TENM4: variants seen among roughly 807,000 people sequenced by gnomAD.
The protein encoded by TENM4 is teneurin transmembrane protein 4.
TENM4 carries 82 observed loss-of-function variants against 243.3 expected under a neutral mutation model. That is an observed-to-expected ratio of 0.34 (90% CI 0.28 to 0.40). The LOEUF is 0.40. TENM4 is among the 10% of genes least tolerant of loss of function. TENM4 has a pLI of 1.00. For synonymous variants in TENM4, 1,412 were observed against 1,456.3 expected (o/e 0.97, Z 0.69); for missense variants, 3,138 against 3,673.3 (o/e 0.85, Z 3.77).
chr11:79,130,361 C>T (rs531287485), intron 4 of TENM4, among the ~76,000 whole-genome samples: 33 of 152,028 alleles, frequency 2.2e-4, no homozygotes, highest in African/African-American at 7.5e-4. Flanking sequence ...CACGAGTTCA[C>T]TAGCAATGGA....
intron 6 of TENM4, among the ~76,000 whole-genome samples, chr11:78,973,104 T>A (rs1238665603): frequency 6.6e-6 from 1 of 152,278 alleles, no homozygotes; most frequent in Non-Finnish European, 1.5e-5. Context: ...AAACTTTGGT[T>A]GTTTTCACTT....
intron 1 of TENM4, among the ~76,000 whole-genome samples, chr11:79,346,704 A>T (rs954719352): frequency 6.6e-6 from 1 of 152,182 alleles, no homozygotes; most frequent in Non-Finnish European, 1.5e-5. Context: ...AATCCGCTTC[A>T]CTTTCCTTCT....
chr11:78,690,302 T>G (rs1433042724), intron 28 of TENM4, among the ~76,000 whole-genome samples: 1 of 152,200 alleles, frequency 6.6e-6, no homozygotes, highest in Non-Finnish European at 1.5e-5. Flanking sequence ...CTCAGAGCTC[T>G]GCTCCCTTCA....
chr11:78,750,541 C>T (rs556889293), intron 19 of TENM4, among the ~76,000 whole-genome samples: 1 of 152,340 alleles, frequency 6.6e-6, no homozygotes, highest in East Asian at 1.9e-4. Flanking sequence ...GCTGGAGAAG[C>T]AAAGCTGTAG....
At chr11:78,928,824 A>C (rs1366467916) in intron 6 of TENM4, among the ~76,000 whole-genome samples, 2 of 152,228 alleles carry the variant, frequency 1.3e-5, no homozygotes, top group Non-Finnish European at 2.9e-5. Context: ...ATCACTTACT[A>C]GTTGGAAAGT....
chr11:79,297,425 G>A (rs188031747), intron 2 of TENM4, 63 bp downstream of exon 2: 2 of 152,750 alleles, frequency 1.3e-5, no homozygotes, highest in East Asian at 3.9e-4. Flanking sequence ...GCCTGGCAGG[G>A]GTTAGGTTGT....
intron 19 of TENM4, chr11:78,756,494 C>A: frequency 2.9e-6 from 1 of 344,358 alleles, no homozygotes; most frequent in Non-Finnish European, 5.5e-6. Context: ...ACCACAGGAT[C>A]AGTAAGAGCT....
intron 2 of TENM4, among the ~76,000 whole-genome samples, chr11:79,225,377 G>C (rs1347158090): frequency 2.6e-5 from 4 of 152,068 alleles, no homozygotes; most frequent in Admixed American, 2.0e-4. Flanking sequence ...CTGGCTGGAG[G>C]GTTCATCTGC....
chr11:79,421,988 C>T (rs904703164), intron 1 of TENM4, among the ~76,000 whole-genome samples: 4 of 152,076 alleles, frequency 2.6e-5, no homozygotes, highest in African/African-American at 7.2e-5. Context: ...GCTCTTAACG[C>T]ACACCCCACA....
rs554723200 is a variant in TENM4, at chr11:79,392,873, C to T, written c.-321+47636G>A. Among the ~76,000 whole-genome samples, 9 of 152,298 alleles carry T rather than the reference C, an allele frequency of 5.9e-5. No individual in the cohort carries two copies. In the South Asian group the frequency reaches 1.5e-3, roughly 25 times the overall value. On this transcript the variant is annotated intron_variant, in intron 1 of 33. Transcript: ENST00000278550. Reference sequence around the variant, plus strand: ...TGACCAAAATGACACATGAATTTCCCAGCATGTTAACATTCCGAAGGGACA... The same window carrying T: ...TGACCAAAATGACACATGAATTTCCTAGCATGTTAACATTCCGAAGGGACA...
At chr11:79,102,200 T>A (rs550006841) in intron 4 of TENM4, among the ~76,000 whole-genome samples, 1 of 152,360 alleles carries the variant, frequency 6.6e-6, no homozygotes, top group East Asian at 1.9e-4. Context: ...CAGTTATCAA[T>A]GTTAGTACAA....
chr11:78,906,577 A>G (rs1856067125), intron 6 of TENM4, among the ~76,000 whole-genome samples: 1 of 152,218 alleles, frequency 6.6e-6, no homozygotes, highest in Non-Finnish European at 1.5e-5. Context: ...CTAAAAGGAA[A>G]TTCTCCTATG....
intron 15 of TENM4, among the ~76,000 whole-genome samples, 186 bp from the exon 16 acceptor site, chr11:78,787,269 C>G (rs1856961127): frequency 6.6e-6 from 1 of 152,208 alleles, no homozygotes; most frequent in Non-Finnish European, 1.5e-5. Context: ...GCTCGCGAGA[C>G]TAATCTCCGT....
At chr11:78,704,446 G>T (rs978234453) in intron 27 of TENM4, among the ~76,000 whole-genome samples, 3 of 151,948 alleles carry the variant, frequency 2.0e-5, no homozygotes, top group African/African-American at 7.3e-5. Context: ...CAACTCAAAT[G>T]CCCAACAACT....
chr11:78,839,368 G>T (rs911364378), intron 12 of TENM4, among the ~76,000 whole-genome samples: 1 of 152,084 alleles, frequency 6.6e-6, no homozygotes, highest in East Asian at 1.9e-4. Flanking sequence ...GTCACATGTA[G>T]TCCTCATTCA....
Position 79,139,595 on chromosome 11 carries a change from A to G in TENM4, c.-66+9115T>C, listed in dbSNP as rs760741731. Among the ~76,000 whole-genome samples the G allele has an allele frequency of 9.6e-4, 60 of 62,602 alleles. 3 individuals carry two copies. Among genetic ancestry groups the G allele is most frequent in the East Asian group, 4.5e-3 (7 of 1,550 alleles). 41.1% of individuals were successfully genotyped at this position (62,602 alleles called of 152,430 possible). On this transcript the variant is annotated intron_variant, in intron 4 of 33. Coordinates refer to ENST00000278550, the MANE Select transcript of TENM4 (RefSeq NM_001098816.3). ...TAAAATATATATTATATTTCTAGAA[A>G]TATATAAAATATATATTATATTTAT...
chr11:78,670,489 G>T lies in TENM4; in HGVS notation c.5856C>A (p.Arg1952=), dbSNP rs1256141279. 1 of 1,613,766 alleles carries T rather than the reference G, an allele frequency of 6.2e-7. No homozygotes were observed. Among genetic ancestry groups the T allele is most frequent in the Non-Finnish European group, 8.5e-7 (1 of 1,179,884 alleles). ...CGTTGGGCATCGTCACAGAAGAGAG[G>T]CGGTCATTCTTGTCGAACTCAAAGA... ...QYIFEFDKND[R]LSSVTMPNVA... is the part of the protein sequence containing the mutation. The change falls in exon 32 of 34, where the codon CGC becomes CGA. Residue 1952 remains arginine, a synonymous_variant. Transcript: ENST00000278550.
chr11:78,981,161 G>A (rs529094923), intron 6 of TENM4, among the ~76,000 whole-genome samples: 3 of 152,196 alleles, frequency 2.0e-5, no homozygotes, highest in South Asian at 4.2e-4. Context: ...GTGTGTATGC[G>A]AGGAGGGGAT....
chr11:79,135,692 T>C (rs1008085859), intron 4 of TENM4, among the ~76,000 whole-genome samples: 1 of 148,980 alleles, frequency 6.7e-6, no homozygotes, highest in African/African-American at 2.5e-5. Flanking sequence ...ATATGTATGA[T>C]ATATATGATA....
Sources: gnomAD v4.1 joint callset for allele counts (sites outside exome capture counted in the v4.1 genomes callset) on GRCh38, gnomAD v4.1.1 for gene constraint, MANE v1.5 for transcripts, NCBI Gene and HGNC (gene_info 2026-07-23, HGNC 2026-07-21) for gene names.